PKM: variants seen among roughly 807,000 people sequenced by gnomAD.
PKM encodes pyruvate kinase M1/2, also known as pyruvate kinase PKM.
A neutral mutation model predicts 49.8 loss-of-function variants in PKM; 18 were observed. That is an observed-to-expected ratio of 0.36 (90% CI 0.25 to 0.54). PKM has a LOEUF of 0.54. PKM is among the 20% of genes least tolerant of loss of function. The probability of loss-of-function intolerance (pLI) is 0.89; values close to 1 mark genes in which losing one functional copy is unlikely to be tolerated. For synonymous variants in PKM, 239 were observed against 261.8 expected (o/e 0.91, Z 0.84); for missense variants, 508 against 713.8 (o/e 0.71, Z 3.28).
At position 72,206,818 on chromosome 15, in the gene PKM, A is replaced by G. The variant is rs750559996; in HGVS notation, c.1050T>C (p.Asn350=). Reference sequence around the variant, plus strand: ...TGCAGTCGGCTCCATCCAGGACTGCATTGGCCACATCACTGCCTTCAGCCC... The same window carrying G: ...TGCAGTCGGCTCCATCCAGGACTGCGTTGGCCACATCACTGCCTTCAGCCC... ...PTRAEGSDVA[N]AVLDGADCIM... is the part of the protein sequence containing the mutation. The change falls in exon 8 of 11, where the codon AAT becomes AAC. Residue 350 remains asparagine (N), a synonymous_variant. Coordinates refer to ENST00000335181, the MANE Select transcript of PKM (RefSeq NM_002654.6). 9.3e-6 allele frequency: 15 copies of G among 1,614,146 alleles called. No homozygotes were observed. The South Asian group carries it at 1.4e-4, about 15-fold the overall frequency.
intron 1 of PKM, among the ~76,000 whole-genome samples, chr15:72,221,002 G>A (rs1201334669): frequency 6.6e-6 from 1 of 152,216 alleles, no homozygotes; most frequent in African/African-American, 2.4e-5. Context: ...CCTCCAATGG[G>A]CCTACAATCT....
Position 72,199,380 on chromosome 15 carries a change from A to G in PKM, c.*270T>C. The G allele has an allele frequency of 1.5e-6, 1 of 653,934 alleles. No individual in the cohort carries two copies. The highest frequency in any genetic ancestry group is 3.0e-5 in the East Asian group (1 of 32,876). The allele number at this position is 653,934 out of a possible 1,614,324, so 40.5% of individuals were successfully genotyped here. Reference sequence around the variant, plus strand: ...GAAAGGAAGCTGTCACCCTCTTGCCATCTGGCTCCAGGGGCCTCCAGTCCA... The same window carrying G: ...GAAAGGAAGCTGTCACCCTCTTGCCGTCTGGCTCCAGGGGCCTCCAGTCCA... On this transcript the variant is annotated 3_prime_UTR_variant, in exon 11 of 11. Transcript: ENST00000335181.
chr15:72,206,534 G>A (rs1240459523), intron 8 of PKM, 194 bp downstream of exon 8: 1 of 594,564 alleles, frequency 1.7e-6, no homozygotes, highest in African/African-American at 1.9e-5. Context: ...GGGGGTGTGG[G>A]CAGGAATGCA....
chr15:72,207,400 G>T, intron 6 of PKM, 123 bp from the exon 7 acceptor site: 1 of 880,128 alleles, frequency 1.1e-6, no homozygotes, highest in Non-Finnish European at 1.9e-6. Flanking sequence ...AGACATCCAT[G>T]ATATCATCAT....
chr15:72,202,961 T>C lies in PKM; in HGVS notation c.1141-341A>G. 3 of 1,545,946 alleles carry C rather than the reference T, an allele frequency of 1.9e-6. No homozygotes were observed. Among genetic ancestry groups the C allele is most frequent in the Non-Finnish European group, 2.7e-6 (3 of 1,121,976 alleles). ...CAGGTTGGGCCTGGCTGTCTTCTCCTAGAGCAGGTGGAGCAAGAGGCTGGT... is the reference window on the plus strand; with the variant it reads ...CAGGTTGGGCCTGGCTGTCTTCTCCCAGAGCAGGTGGAGCAAGAGGCTGGT... On this transcript the variant is annotated intron_variant, in intron 8 of 10. Transcript: ENST00000335181. This position sits in a 1 kb window ranked among gnomAD's most constrained non-coding sequence, Gnocchi z 4.5.
At chr15:72,205,537 ATCTCT>A (rs2082049599) in intron 8 of PKM, among the ~76,000 whole-genome samples, 1 of 152,104 alleles carries the variant, frequency 6.6e-6, no homozygotes, top group Admixed American at 6.5e-5. Flanking sequence ...TAGAAATGAC[ATCTCT>A]TCTCTGAAAG....
intron 1 of PKM, 135 bp downstream of exon 1, chr15:72,230,981 A>T: frequency 7.8e-7 from 1 of 1,283,658 alleles, no homozygotes; most frequent in Non-Finnish European, 1.0e-6. Flanking sequence ...TCTGAGCTCC[A>T]CTGCATCCCA....
chr15:72,227,478 C>T (rs1026472607), intron 1 of PKM, among the ~76,000 whole-genome samples: 5 of 152,196 alleles, frequency 3.3e-5, no homozygotes, highest in African/African-American at 1.2e-4. Context: ...GGTGCAGTGG[C>T]TCACGCCCGT....
chr15:72,217,600 T>A, intron 2 of PKM, 100 bp from the exon 3 acceptor site: 1 of 795,138 alleles, frequency 1.3e-6, no homozygotes, highest in Non-Finnish European at 2.1e-6. Context: ...CTGAAAACTT[T>A]TCCTCTCCCA....
chr15:72,200,788 G>T lies in PKM; in HGVS notation c.1308-133C>A. 1 of 742,298 alleles carries T rather than the reference G, an allele frequency of 1.3e-6. No homozygotes were observed. The allele number at this position is 742,298 out of a possible 1,614,324, so 46.0% of individuals were successfully genotyped here. On this transcript the variant is annotated intron_variant, in intron 9 of 10. Transcript: ENST00000335181. The surrounding 1 kb of genome is among the most constrained non-coding windows in gnomAD (Gnocchi z 4.6). ...TGGCCTCTTCAACATCTGCTCCCTA[G>T]GACCCCTCCCGAGGCTCGGGCAGCC... is the stretch of plus-strand genomic sequence containing the variant.
chr15:72,210,299 G>A, intron 4 of PKM, 48 bp downstream of exon 4: 1 of 1,600,938 alleles, frequency 6.2e-7, no homozygotes, highest in Non-Finnish European at 8.5e-7. Flanking sequence ...ATGTCTCTGG[G>A]GCATATTGCC....
In PKM at chr15:72,199,362, A is replaced by G. The variant is rs1199968045; in HGVS notation, c.*288T>C. ...TGGACAGAGTACACACAGGAAAGGAAGCTGTCACCCTCTTGCCATCTGGCT... is the reference window on the plus strand; with the variant it reads ...TGGACAGAGTACACACAGGAAAGGAGGCTGTCACCCTCTTGCCATCTGGCT... On this transcript the variant is annotated 3_prime_UTR_variant, in exon 11 of 11. Transcript: ENST00000335181. 1 of 618,768 alleles carries G rather than the reference A, an allele frequency of 1.6e-6. No individual in the cohort carries two copies. The highest frequency in any genetic ancestry group is 3.3e-5 in the East Asian group (1 of 30,058). The allele number at this position is 618,768 out of a possible 1,614,324, so 38.3% of individuals were successfully genotyped here. A position where few individuals can be genotyped will look rare whatever the true frequency, so the allele number is the denominator to read the frequency against.
intron 1 of PKM, among the ~76,000 whole-genome samples, chr15:72,229,274 G>A (rs1329498681): frequency 2.6e-5 from 4 of 152,202 alleles, no homozygotes; most frequent in African/African-American, 7.2e-5. Flanking sequence ...CTTACTGAGT[G>A]TGCCACATCC....
intron 3 of PKM, among the ~76,000 whole-genome samples, chr15:72,212,165 T>C (rs373716796): frequency 4.6e-5 from 7 of 152,248 alleles, no homozygotes; most frequent in East Asian, 1.9e-4. Context: ...TGGCTTGTAA[T>C]AGAAATAGAA....
chr15:72,224,767 T>C (rs1461853472), intron 1 of PKM, among the ~76,000 whole-genome samples: 2 of 151,762 alleles, frequency 1.3e-5, no homozygotes, highest in Admixed American at 1.3e-4. Flanking sequence ...AGACACAGAA[T>C]TGCTTGAATC....
intron 1 of PKM, among the ~76,000 whole-genome samples, chr15:72,219,720 T>TCA (rs1001404369): frequency 1.3e-5 from 2 of 152,160 alleles, no homozygotes; most frequent in Non-Finnish European, 2.9e-5. Context: ...CAGAAGGATG[T>TCA]CAGGACACGC....
At chr15:72,221,324 C>G (rs1486179002) in intron 1 of PKM, 5 of 1,264,120 alleles carry the variant, frequency 4.0e-6, no homozygotes, top group South Asian at 1.3e-5. Context: ...GTAACTAAAG[C>G]TCTTTGGGGT....
chr15:72,200,380 C>T lies in PKM; in HGVS notation c.1489+94G>A, dbSNP rs2081912232. On this transcript the variant is annotated intron_variant, in intron 10 of 10. Transcript: ENST00000335181. The surrounding 1 kb of genome is among the most constrained non-coding windows in gnomAD (Gnocchi z 4.6). ...GCCCCACTAAGGTCTGTGTGTTCCC[C>T]TTTCTATTCCCCAAACTTTCGGGGT... The T allele has an allele frequency of 1.7e-6, 2 of 1,200,706 alleles. No individual in the cohort carries two copies. Among genetic ancestry groups the T allele is most frequent in the South Asian group, 2.5e-5 (2 of 79,834 alleles). The allele number at this position is 1,200,706 out of a possible 1,614,324, so 74.4% of individuals were successfully genotyped here.
Position 72,200,714 on chromosome 15 carries a change from C to T in PKM, c.1308-59G>A, listed in dbSNP as rs190446292. On this transcript the variant is annotated intron_variant, in intron 9 of 10. Transcript: ENST00000335181. This position sits in a 1 kb window ranked among gnomAD's most constrained non-coding sequence, Gnocchi z 4.6. ...ATTACACGAGGCCCCAGGAAGTACCCTCAGGGCGTTCAAACAGCTCACCCT... is the reference window on the plus strand; with the variant it reads ...ATTACACGAGGCCCCAGGAAGTACCTTCAGGGCGTTCAAACAGCTCACCCT... 381 of 1,469,010 alleles carry T rather than the reference C, an allele frequency of 2.6e-4. 3 individuals are homozygous for T. In the East Asian group the frequency reaches 6.2e-3, roughly 24 times the overall value. The allele number at this position is 1,469,010 out of a possible 1,614,324, so 91.0% of individuals were successfully genotyped here.
Sources: allele counts gnomAD v4.1 joint callset (sites outside exome capture counted in the v4.1 genomes callset), GRCh38; gene constraint gnomAD v4.1.1; non-coding constraint Gnocchi (gnomAD v3.1); transcripts MANE v1.5; gene names NCBI Gene and HGNC (gene_info 2026-07-23, HGNC 2026-07-21).